The following PCDHA2 variants were observed in gnomAD, a reference collection of about 807,000 sequenced individuals.
PCDHA2 encodes the protein protocadherin alpha 2.
PCDHA2 carries 58 observed loss-of-function variants against 66.0 expected under a neutral mutation model. That is an observed-to-expected ratio of 0.88 (90% confidence interval 0.71 to 1.09). The LOEUF is 1.09. PCDHA2 is among the 50% of genes least tolerant of loss of function. The pLI, the probability that PCDHA2 is intolerant of heterozygous loss-of-function variation, is 0.00. For synonymous variants in PCDHA2, 634 were observed against 554.0 expected (o/e 1.14, Z -2.03); for missense variants, 1,267 against 1,242.3 (o/e 1.02, Z -0.30).
At position 140,843,021 on chromosome 5, in the gene PCDHA2, A is replaced by C. The variant is rs2150350261; in HGVS notation, c.2388+45669A>C. 58 of 1,595,034 alleles carry C rather than the reference A, an allele frequency of 3.6e-5. 4 individuals are homozygous for C. The East Asian group carries it at 5.1e-4, about 14-fold the overall frequency. On this transcript the variant is annotated intron_variant, in intron 1 of 3. Coordinates refer to ENST00000526136, the MANE Select transcript of PCDHA2 (RefSeq NM_018905.3). Reference sequence around the variant, plus strand: ...AATGACAACGCGCCGGCACTGCTGGAGCCTCGGGTGGGTGGCACTGGTGGC... The same window carrying C: ...AATGACAACGCGCCGGCACTGCTGGCGCCTCGGGTGGGTGGCACTGGTGGC...
chr5:140,808,584 A>G (rs1301708433), intron 1 of PCDHA2: 1 of 1,614,032 alleles, frequency 6.2e-7, no homozygotes, highest in East Asian at 2.2e-5. Context: ...TTCGTGAAGG[A>G]GAACAACCCG....
intron 1 of PCDHA2, chr5:140,966,499 A>C (rs960365429): frequency 1.4e-5 from 6 of 431,834 alleles, no homozygotes; most frequent in Non-Finnish European, 2.4e-5. Context: ...CTGGAGCTGT[A>C]GCGGCAGCAG....
At chr5:140,807,265 A>G in intron 1 of PCDHA2, 1 of 1,614,220 alleles carries the variant, frequency 6.2e-7, no homozygotes. Flanking sequence ...CCTGGGAGGC[A>G]GGGAACGGTC....
intron 1 of PCDHA2, chr5:140,843,306 C>T (rs1393236321): frequency 1.3e-6 from 2 of 1,596,004 alleles, no homozygotes; most frequent in Non-Finnish European, 1.7e-6. Context: ...CTGACCGCCA[C>T]GGCCACGGTT....
intron 1 of PCDHA2, chr5:140,876,078 A>C (rs2056099570): frequency 6.2e-7 from 1 of 1,613,868 alleles, no homozygotes; most frequent in Non-Finnish European, 8.5e-7. Flanking sequence ...TATTGGACAG[A>C]GAGCAAACGC....
At chr5:140,975,543 T>C (rs1276340507) in intron 1 of PCDHA2, among the ~76,000 whole-genome samples, 2 of 152,206 alleles carry the variant, frequency 1.3e-5, no homozygotes, top group African/African-American at 4.8e-5. Context: ...AATACAGTCC[T>C]ATTAGGAAGG....
At chr5:140,871,802 T>G (rs2053316499) in intron 1 of PCDHA2, among the ~76,000 whole-genome samples, 1 of 152,178 alleles carries the variant, frequency 6.6e-6, no homozygotes, top group South Asian at 2.1e-4. Context: ...TAATTACTAT[T>G]TTCACTAAAG....
chr5:140,821,588 C>T, intron 1 of PCDHA2: 3 of 650,426 alleles, frequency 4.6e-6, no homozygotes, highest in Middle Eastern at 4.2e-4. Context: ...TTCTCCCTTC[C>T]CAGCCTCAAA....
At chr5:140,874,554 TTC>T (rs2054993631) in intron 1 of PCDHA2, among the ~76,000 whole-genome samples, 1 of 152,236 alleles carries the variant, frequency 6.6e-6, no homozygotes, top group African/African-American at 2.4e-5. Flanking sequence ...TAAGAGATCT[TTC>T]GCATTTTAGT....
rs551245842 is a variant in PCDHA2, at chr5:140,927,508, C to G, written c.2389-51441C>G. 3.7e-6 allele frequency: 6 copies of G among 1,614,074 alleles called. No individual in the cohort carries two copies. In the Admixed American group the frequency reaches 5.0e-5, roughly 13 times the overall value. ...CACCCACCTGCTGGTGCTTACAGCT[C>G]GGGACGGCGGGCTACCTGCCCGCTC... On this transcript the variant is annotated intron_variant, in intron 1 of 3. Coordinates refer to ENST00000526136, the MANE Select transcript of PCDHA2 (RefSeq NM_018905.3).
In PCDHA2 at chr5:140,885,617, T is replaced by C. The variant is rs182455292; in HGVS notation, c.2388+88265T>C. Among the ~76,000 whole-genome samples, 20 of 152,288 alleles carry C rather than the reference T, an allele frequency of 1.3e-4. No individual in the cohort carries two copies. The East Asian group carries it at 3.7e-3, about 28-fold the overall frequency. The stretch of plus-strand genomic sequence containing the variant: ...GATATTAATAATTTTAATTATAAAA[T>C]ATGTCACTGGATTGCCTTCCAAGTA... On this transcript the variant is annotated intron_variant, in intron 1 of 3. Coordinates refer to ENST00000526136, the MANE Select transcript of PCDHA2 (RefSeq NM_018905.3).
chr5:140,850,200 C>T, intron 1 of PCDHA2: 1 of 1,593,442 alleles, frequency 6.3e-7, no homozygotes. Context: ...GCTGACACCT[C>T]GGATGAGGGG....
chr5:140,853,541 G>A, intron 1 of PCDHA2: 2 of 979,320 alleles, frequency 2.0e-6, no homozygotes, highest in Non-Finnish European at 2.5e-6. Context: ...TTTTCAAGTT[G>A]TAATTACTAT....
intron 1 of PCDHA2, among the ~76,000 whole-genome samples, chr5:140,961,978 G>T (rs1336878095): frequency 6.6e-6 from 1 of 151,828 alleles, no homozygotes; most frequent in Non-Finnish European, 1.5e-5. Context: ...CCGCCTCCTG[G>T]GTTCACGCCA....
chr5:140,870,572 C>T (rs782477275), intron 1 of PCDHA2: 1 of 1,613,946 alleles, frequency 6.2e-7, no homozygotes, highest in Non-Finnish European at 8.5e-7. Context: ...GCGCTGGTGT[C>T]CTACTCGCTG....
At chr5:140,808,198 T>G in intron 1 of PCDHA2, 1 of 1,614,222 alleles carries the variant, frequency 6.2e-7, no homozygotes, top group Non-Finnish European at 8.5e-7. Flanking sequence ...GTAGAGTTAT[T>G]GTGGAAGTAG....
At chr5:140,993,460 T>TCACA (rs1554253699) in intron 3 of PCDHA2, among the ~76,000 whole-genome samples, 76 of 104,564 alleles carry the variant, frequency 7.3e-4, no homozygotes, top group Admixed American at 2.0e-3. Context: ...CTTCTTTCTT[T>TCACA]CTCACACACA....
At position 140,795,291 on chromosome 5, in the gene PCDHA2, C is replaced by A; in HGVS notation, c.327C>A (p.Ile109=). 1.2e-6 allele frequency: 2 copies of A among 1,614,210 alleles called. No individual in the cohort carries two copies. The highest frequency in any genetic ancestry group is 1.7e-6 in the Non-Finnish European group (2 of 1,180,034). ...SAECSIHVEV[I]VDRPLQVFHV... is the part of the protein sequence containing the mutation. ...AATGTAGCATCCACGTGGAGGTGAT[C>A]GTGGACAGGCCGCTGCAGGTTTTCC... is the stretch of plus-strand genomic sequence containing the variant. The change falls in exon 1 of 4, where the codon ATC becomes ATA. Residue 109 remains isoleucine, a synonymous_variant. Transcript: ENST00000526136.
intron 1 of PCDHA2, chr5:140,830,682 T>C: frequency 3.0e-6 from 1 of 332,166 alleles, no homozygotes; most frequent in Non-Finnish European, 5.1e-6. Flanking sequence ...GAAATCACTG[T>C]CCACAATCTG....
Sources: allele counts gnomAD v4.1 joint callset (sites outside exome capture counted in the v4.1 genomes callset), GRCh38; gene constraint gnomAD v4.1.1; transcripts MANE v1.5; gene names NCBI Gene and HGNC (gene_info 2026-07-23, HGNC 2026-07-21).